KLC1: variants seen among roughly 807,000 people sequenced by gnomAD.
The protein encoded by KLC1 is kinesin light chain 1.
A neutral mutation model predicts 84.2 loss-of-function variants in KLC1; 30 were observed. That is an observed-to-expected ratio of 0.36 (90% CI 0.27 to 0.48). The LOEUF (loss-of-function observed/expected upper bound fraction) is 0.48, where lower values mean the gene tolerates loss of function less well. Ranked by LOEUF, KLC1 falls within the 20% of genes least tolerant of loss-of-function variation. The probability of loss-of-function intolerance (pLI) is 0.99; values close to 1 mark genes in which losing one functional copy is unlikely to be tolerated. For missense variants in KLC1, 499 were observed against 805.4 expected (o/e 0.62, Z 4.60); for synonymous variants, 289 against 293.3 (o/e 0.99, Z 0.15).
At chr14:103,639,929 A>G (rs2077358104) in intron 1 of KLC1, among the ~76,000 whole-genome samples, 1 of 147,266 alleles carries the variant, frequency 6.8e-6, no homozygotes, top group Non-Finnish European at 1.5e-5. Context: ...TAATTTTGGT[A>G]TTTTTTTTTA....
In KLC1 at chr14:103,686,031, G is replaced by A. The variant is rs1052907908; in HGVS notation, c.1651-1050G>A. On this transcript the variant is annotated intron_variant, in intron 13 of 16. Transcript: ENST00000334553. ...TAAGCCTTACAGCAAGGCATGTGCC[G>A]CACGTGCTCCGTGGTACTTAGAGCC... The A allele has an allele frequency of 1.6e-5, 17 of 1,052,072 alleles. No homozygotes were observed. The South Asian group carries it at 2.8e-4, about 17-fold the overall frequency. The allele number at this position is 1,052,072 out of a possible 1,614,324, so 65.2% of individuals were successfully genotyped here. A position where few individuals can be genotyped will look rare whatever the true frequency, so the allele number is the denominator to read the frequency against.
chr14:103,695,258 C>A, intron 15 of KLC1: 1 of 675,430 alleles, frequency 1.5e-6, no homozygotes, highest in Non-Finnish European at 1.8e-6. Flanking sequence ...GAGCCCAGTT[C>A]AAGAACAGCT....
At chr14:103,698,864 G>T (rs1204475460) in intron 15 of KLC1, 1 of 1,607,396 alleles carries the variant, frequency 6.2e-7, no homozygotes, top group Non-Finnish European at 8.5e-7. Context: ...AACAGGAGGA[G>T]GGGGGCAGGT....
Position 103,636,330 on chromosome 14 carries a change from T to A in KLC1, c.-2+6836T>A, listed in dbSNP as rs2077043686. ...TCTGCCTCCCGAGTTCAAACAATTC[T>A]CCTGCTTTAATTTCCTGAGTATCTG... On this transcript the variant is annotated intron_variant, in intron 1 of 16. Transcript: ENST00000334553. Among the ~76,000 whole-genome samples, 4 of 151,746 alleles carry A rather than the reference T, an allele frequency of 2.6e-5. No individual in the cohort carries two copies. The South Asian group carries it at 8.3e-4, about 32-fold the overall frequency.
intron 11 of KLC1, 137 bp downstream of exon 11, chr14:103,675,893 TAAAA>T (rs1265244332): frequency 1.5e-6 from 1 of 670,322 alleles, no homozygotes; most frequent in Admixed American, 2.8e-5. Context: ...GAATTCCAAT[TAAAA>T]AAACCCCACT....
chr14:103,672,364 C>T (rs4906356), intron 7 of KLC1, among the ~76,000 whole-genome samples: 42,503 of 152,004 alleles, frequency 0.28, 6,695 homozygotes, highest in East Asian at 0.35. Context: ...CTGTGCCAGA[C>T]CCCTTTTTCG....
chr14:103,634,428 T>G (rs1168196948), intron 1 of KLC1, among the ~76,000 whole-genome samples: 1 of 152,162 alleles, frequency 6.6e-6, no homozygotes, highest in African/African-American at 2.4e-5. Context: ...TTTTTGGACA[T>G]GTTAAATCTG....
chr14:103,696,038 C>T (rs888993382), intron 15 of KLC1: 1 of 985,108 alleles, frequency 1.0e-6, no homozygotes, highest in African/African-American at 1.8e-5. Context: ...GAGAGGAACC[C>T]CACGCGAGAG....
At chr14:103,658,419 C>G (rs979477391) in intron 3 of KLC1, among the ~76,000 whole-genome samples, 1 of 148,138 alleles carries the variant, frequency 6.8e-6, no homozygotes, top group Non-Finnish European at 1.5e-5. Flanking sequence ...TGACACCATG[C>G]CCAGCTAAGT....
At chr14:103,686,287 A>G (rs1267131461) in intron 13 of KLC1, 2 of 915,776 alleles carry the variant, frequency 2.2e-6, no homozygotes, top group African/African-American at 1.8e-5. Flanking sequence ...GAAACGCCGC[A>G]TGGCACAGCT....
intron 7 of KLC1, among the ~76,000 whole-genome samples, chr14:103,672,452 A>G (rs1242729807): frequency 1.3e-5 from 2 of 152,196 alleles, no homozygotes; most frequent in Non-Finnish European, 2.9e-5. Flanking sequence ...AAAAATATTC[A>G]AGGTAGTTTA....
intron 12 of KLC1, 95 bp from the exon 13 acceptor site, chr14:103,679,289 T>C (rs764972528): frequency 3.7e-6 from 2 of 534,384 alleles, no homozygotes; most frequent in East Asian, 1.4e-4. Flanking sequence ...TTAAGAACTG[T>C]TTTTTTTTTT....
intron 15 of KLC1, 54 bp from the exon 16 acceptor site, chr14:103,700,601 G>T: frequency 6.9e-7 from 1 of 1,457,674 alleles, no homozygotes; most frequent in Non-Finnish European, 9.5e-7. Context: ...CTCTGAAGAC[G>T]CCTGAGGGCC....
Position 103,654,675 on chromosome 14 carries a change from T to G in KLC1, c.111T>G (p.Ala37=). ...AGCAAGTAATTCAGGGGCTGGAAGC[T>G]TTGAAGAATGAGCACAATTCCATTT... ...KTKQVIQGLE[A]LKNEHNSILQ... The change falls in exon 2 of 17, where the codon GCT becomes GCG. Residue 37 remains alanine, a synonymous_variant. Transcript: ENST00000334553. 6.2e-7 allele frequency: 1 copy of G among 1,614,186 alleles called. No individual in the cohort carries two copies. Among genetic ancestry groups the G allele is most frequent in the Non-Finnish European group, 8.5e-7 (1 of 1,180,046 alleles).
At chr14:103,646,854 C>T (rs1270859828) in intron 1 of KLC1, among the ~76,000 whole-genome samples, 3 of 152,106 alleles carry the variant, frequency 2.0e-5, no homozygotes, top group Admixed American at 6.5e-5. Context: ...TCAAGGGATC[C>T]TCCCACCTCA....
chr14:103,685,783 C>T (rs2081737152), intron 13 of KLC1: 1 of 1,246,654 alleles, frequency 8.0e-7, no homozygotes, highest in South Asian at 1.3e-5. Flanking sequence ...CTGGCCATTC[C>T]TTTCGGTGCT....
At chr14:103,651,576 C>T (rs2078445741) in intron 1 of KLC1, among the ~76,000 whole-genome samples, 1 of 152,052 alleles carries the variant, frequency 6.6e-6, no homozygotes, top group African/African-American at 2.4e-5. Flanking sequence ...ATATACATGC[C>T]GCTGTCTGTT....
chr14:103,684,838 T>C (rs893965673), intron 13 of KLC1: 9 of 645,594 alleles, frequency 1.4e-5, no homozygotes, highest in Non-Finnish European at 2.6e-5. Context: ...GCGCTGAGTT[T>C]TGAAATGAAC....
At chr14:103,696,447 TG>T in intron 15 of KLC1, 2 of 984,776 alleles carry the variant, frequency 2.0e-6, no homozygotes, top group Non-Finnish European at 2.4e-6. Context: ...TATAGTAAGA[TG>T]TATTAAACAT....
Sources: gnomAD v4.1 joint callset for allele counts (sites outside exome capture counted in the v4.1 genomes callset) on GRCh38, gnomAD v4.1.1 for gene constraint, MANE v1.5 for transcripts, NCBI Gene and HGNC (gene_info 2026-07-23, HGNC 2026-07-21) for gene names.